Variants in KCNQ5 observed in about 807,000 individuals in gnomAD.
KCNQ5 encodes the protein potassium voltage-gated channel subfamily KQT member 5.
In KCNQ5, 30 loss-of-function variants were observed where a neutral mutation model predicts 98.2. The observed-to-expected ratio is 0.31, with a 90% confidence interval of 0.23 to 0.41. KCNQ5 has a LOEUF of 0.41. Ranked by LOEUF, KCNQ5 falls within the 10% of genes least tolerant of loss-of-function variation. KCNQ5 has a pLI of 1.00. For synonymous variants in KCNQ5, 458 were observed against 449.4 expected (o/e 1.02, Z -0.24); for missense variants, 835 against 1,182.5 (o/e 0.71, Z 4.31).
chr6:73,077,339 G>A lies in KCNQ5; in HGVS notation c.634G>A (p.Ala212Thr), dbSNP rs1401632101. The A allele has an allele frequency of 6.2e-7, 1 of 1,613,934 alleles. No individual in the cohort carries two copies. Among genetic ancestry groups the A allele is most frequent in the South Asian group, 1.1e-5 (1 of 91,042 alleles). ...TCTTTCAGATACCATTGTTCTTATC[G>A]CTTCAATAGCAGTTGTTTCTGCAAA... is the stretch of plus-strand genomic sequence containing the variant. ...FCVIDTIVLIASIAVVSAKTQ... is the reference protein window; with the variant it reads ...FCVIDTIVLITSIAVVSAKTQ... The change falls in exon 4 of 14, where the codon GCT becomes ACT. Residue 212 changes from alanine (A) to threonine (T), a missense_variant. This residue lies in a region of KCNQ5 where 48 missense variants were observed against 112.1 expected (regional missense o/e 0.43). Transcript: ENST00000370398.
chr6:72,887,061 A>G (rs1417706467), intron 1 of KCNQ5, among the ~76,000 whole-genome samples: 1 of 152,206 alleles, frequency 6.6e-6, no homozygotes, highest in African/African-American at 2.4e-5. Context: ...ACTACTGTAA[A>G]ACAATTGCAA....
intron 1 of KCNQ5, among the ~76,000 whole-genome samples, chr6:72,962,037 G>T (rs1374273936): frequency 6.6e-6 from 1 of 151,532 alleles, no homozygotes; most frequent in Non-Finnish European, 1.5e-5. Context: ...AATTAACTGG[G>T]TATGGTGGTG....
At chr6:72,631,802 G>T (rs1158984111) in intron 1 of KCNQ5, among the ~76,000 whole-genome samples, 1 of 152,116 alleles carries the variant, frequency 6.6e-6, no homozygotes, top group African/African-American at 2.4e-5. Flanking sequence ...AATCAAGAGA[G>T]AATAAAGTTA....
At chr6:72,660,880 A>G (rs976389505) in intron 1 of KCNQ5, among the ~76,000 whole-genome samples, 6 of 152,178 alleles carry the variant, frequency 3.9e-5, no homozygotes, top group African/African-American at 1.4e-4. Context: ...ACTGTGTTTT[A>G]TCAGACTAGT....
intron 1 of KCNQ5, among the ~76,000 whole-genome samples, chr6:72,833,389 A>G (rs960590362): frequency 4.6e-5 from 7 of 152,168 alleles, no homozygotes; most frequent in African/African-American, 1.7e-4. Flanking sequence ...CTTGCTTAGC[A>G]TTTCACCAAA....
intron 1 of KCNQ5, among the ~76,000 whole-genome samples, chr6:72,647,286 A>G (rs965332753): frequency 9.9e-5 from 15 of 152,180 alleles, no homozygotes; most frequent in Non-Finnish European, 2.1e-4. Context: ...TGGTGAGTCA[A>G]TCATCAGTAG....
chr6:72,809,763 A>C (rs1045326370), intron 1 of KCNQ5, among the ~76,000 whole-genome samples: 3 of 152,200 alleles, frequency 2.0e-5, no homozygotes, highest in Non-Finnish European at 4.4e-5. Context: ...TGGATAACAA[A>C]GATGCACTGC....
intron 10 of KCNQ5, among the ~76,000 whole-genome samples, chr6:73,146,999 T>G (rs1776951986): frequency 6.6e-6 from 1 of 152,232 alleles, no homozygotes; most frequent in African/African-American, 2.4e-5. Context: ...GACTATAGTA[T>G]GTTCTCAAGG....
intron 11 of KCNQ5, among the ~76,000 whole-genome samples, chr6:73,187,281 G>A (rs369446296): frequency 6.6e-6 from 1 of 151,894 alleles, no homozygotes; most frequent in African/African-American, 2.4e-5. Context: ...GGATGGTCTC[G>A]ATTTCCTGAC....
chr6:73,135,742 T>C (rs1562199920), intron 10 of KCNQ5: 1 of 152,226 alleles, frequency 6.6e-6, no homozygotes. Flanking sequence ...AAGTACTAGA[T>C]GCCTTAAACA....
rs187995973 is a variant in KCNQ5 at position 73,008,893 on chromosome 6, A to G, written c.489+4895A>G. ...AGATGGATACCACACAAAGATGGATACCACACAAAGTATTTTTTCCAACCA... is the reference window on the plus strand; with the variant it reads ...AGATGGATACCACACAAAGATGGATGCCACACAAAGTATTTTTTCCAACCA... On this transcript the variant is annotated intron_variant, in intron 2 of 13. Transcript: ENST00000370398. Among the ~76,000 whole-genome samples the G allele has an allele frequency of 2.3e-4, 35 of 152,348 alleles. No homozygotes were observed. The East Asian group carries it at 4.0e-3, about 18-fold the overall frequency.
At chr6:72,809,316 A>G (rs1396219920) in intron 1 of KCNQ5, among the ~76,000 whole-genome samples, 63 of 150,644 alleles carry the variant, frequency 4.2e-4, no homozygotes, top group Middle Eastern at 6.8e-3. Flanking sequence ...TGGGTGCAGC[A>G]CACCAGCATG....
At chr6:73,164,853 A>G (rs1043270424) in intron 10 of KCNQ5, among the ~76,000 whole-genome samples, 3 of 152,146 alleles carry the variant, frequency 2.0e-5, no homozygotes. Flanking sequence ...GTGTTCCCCA[A>G]CTTTCTGAGA....
chr6:72,834,457 T>C (rs1024190508), intron 1 of KCNQ5, among the ~76,000 whole-genome samples: 1 of 152,162 alleles, frequency 6.6e-6, no homozygotes, highest in African/African-American at 2.4e-5. Flanking sequence ...GTAGAGACTC[T>C]AAAGATAATA....
chr6:73,003,863 ATAAGG>A, intron 1 of KCNQ5, 40 bp from the exon 2 acceptor site: 1 of 1,275,976 alleles, frequency 7.8e-7, no homozygotes, highest in Non-Finnish European at 1.1e-6. Flanking sequence ...GTCTGTGATA[ATAAGG>A]TAAGGTTCTT....
chr6:72,632,208 G>T (rs774860555), intron 1 of KCNQ5, among the ~76,000 whole-genome samples: 1 of 136,520 alleles, frequency 7.3e-6, no homozygotes, highest in Admixed American at 8.2e-5. Context: ...CGCGATCCCC[G>T]CTCACTGCAA....
chr6:72,837,646 C>T (rs1776563654), intron 1 of KCNQ5, among the ~76,000 whole-genome samples: 1 of 152,132 alleles, frequency 6.6e-6, no homozygotes, highest in East Asian at 1.9e-4. Context: ...CTCAGTAATA[C>T]TGGGTTTCCA....
chr6:72,880,873 C>T (rs1778609874), intron 1 of KCNQ5, among the ~76,000 whole-genome samples: 1 of 152,094 alleles, frequency 6.6e-6, no homozygotes, highest in African/African-American at 2.4e-5. Context: ...ATTGCTTTTA[C>T]TAGAATGTCC....
chr6:72,920,587 AC>A (rs1179367024), intron 1 of KCNQ5, among the ~76,000 whole-genome samples: 2 of 152,092 alleles, frequency 1.3e-5, no homozygotes, highest in Non-Finnish European at 2.9e-5. Context: ...GGAAACTCAA[AC>A]CTTTAACATT....
Sources: gnomAD v4.1 joint callset for allele counts (sites outside exome capture counted in the v4.1 genomes callset) on GRCh38, gnomAD v4.1.1 for gene constraint, gnomAD v4.1.1 regional missense constraint, MANE v1.5 for transcripts, NCBI Gene and HGNC (gene_info 2026-07-23, HGNC 2026-07-21) for gene names.